Variants in EMCN observed in about 807,000 individuals in gnomAD.
EMCN encodes the protein endomucin, also known as MUC-14.
Under a neutral mutation model 38.4 loss-of-function variants are expected in EMCN, and 37 were observed. That is an observed-to-expected ratio of 0.96 (90% CI 0.74 to 1.27). The LOEUF (loss-of-function observed/expected upper bound fraction) is 1.27, where lower values mean the gene tolerates loss of function less well. Ranked by LOEUF, EMCN falls within the 50% of genes most tolerant of loss-of-function variation. The probability of loss-of-function intolerance (pLI) is 0.00; values close to 1 mark genes in which losing one functional copy is unlikely to be tolerated. For synonymous variants in EMCN, 95 were observed against 100.8 expected (o/e 0.94, Z 0.35); for missense variants, 318 against 302.8 (o/e 1.05, Z -0.37).
intron 1 of EMCN, among the ~76,000 whole-genome samples, chr4:100,509,693 G>T (rs1255743611): frequency 6.6e-6 from 1 of 152,126 alleles, no homozygotes; most frequent in Non-Finnish European, 1.5e-5. Context: ...TCCGTGTTTT[G>T]TGTGTGTGAT....
intron 5 of EMCN, among the ~76,000 whole-genome samples, chr4:100,435,629 A>G (rs556491969): frequency 6.1e-4 from 93 of 152,332 alleles, no homozygotes; most frequent in Middle Eastern, 3.4e-3. Context: ...TTCAAACTAT[A>G]TTACAAGGCT....
chr4:100,486,919 A>G, intron 1 of EMCN: 1 of 985,438 alleles, frequency 1.0e-6, no homozygotes, highest in Non-Finnish European at 1.2e-6. Flanking sequence ...ACAAATGGAT[A>G]ATTCTTCAAA....
At chr4:100,513,679 C>A (rs756702804) in intron 1 of EMCN, among the ~76,000 whole-genome samples, 31 of 152,082 alleles carry the variant, frequency 2.0e-4, no homozygotes, top group Middle Eastern at 6.3e-3. Flanking sequence ...TAACTGAAAT[C>A]AAAATAATCG....
intron 3 of EMCN, among the ~76,000 whole-genome samples, chr4:100,468,959 C>T (rs1395629566): frequency 6.6e-6 from 1 of 151,956 alleles, no homozygotes; most frequent in Non-Finnish European, 1.5e-5. Context: ...GTAGAGGCAT[C>T]ACACTTCCTA....
At chr4:100,492,178 C>A (rs1017346210) in intron 1 of EMCN, among the ~76,000 whole-genome samples, 2 of 151,880 alleles carry the variant, frequency 1.3e-5, no homozygotes, top group Admixed American at 6.6e-5. Context: ...TGAAACAATA[C>A]AATACACAAA....
Position 100,461,315 on chromosome 4 carries a change from CTT to C in EMCN, c.376+4106_376+4107del, listed in dbSNP as rs570211288. On this transcript the variant is annotated intron_variant, in intron 4 of 11. Transcript: ENST00000296420. ...AAATTGGCACTACCATCACCACTTGCTTTTTTTTACTGTTTTATTATTATTTA... is the reference window on the plus strand; with the variant it reads ...AAATTGGCACTACCATCACCACTTGCTTTTTTACTGTTTTATTATTATTTA... 2.1e-4 allele frequency among the ~76,000 whole-genome samples: 32 copies of C among 151,916 alleles called. No homozygotes were observed. In the South Asian group the frequency reaches 6.7e-3, roughly 32 times the overall value.
chr4:100,409,285 A>G (rs1275928351), intron 11 of EMCN, among the ~76,000 whole-genome samples: 1 of 152,046 alleles, frequency 6.6e-6, no homozygotes, highest in Non-Finnish European at 1.5e-5. Context: ...GTTTTATAAA[A>G]CCTCAAAAAC....
At chr4:100,471,360 T>G (rs1348235076) in intron 3 of EMCN, among the ~76,000 whole-genome samples, 1 of 151,770 alleles carries the variant, frequency 6.6e-6, no homozygotes, top group Admixed American at 6.6e-5. Context: ...ATGGGCAAAT[T>G]CCTAGGAAAT....
At chr4:100,454,821 C>T (rs1727964638) in intron 4 of EMCN, among the ~76,000 whole-genome samples, 1 of 152,088 alleles carries the variant, frequency 6.6e-6, no homozygotes. Context: ...GATAAAACTC[C>T]TTCCTTTGAA....
chr4:100,454,698 T>A (rs766655866), intron 4 of EMCN, among the ~76,000 whole-genome samples: 2 of 152,208 alleles, frequency 1.3e-5, no homozygotes, highest in Non-Finnish European at 2.9e-5. Context: ...GAATACCAGA[T>A]AACTGTCACC....
intron 1 of EMCN, among the ~76,000 whole-genome samples, chr4:100,501,944 G>A (rs1016214494): frequency 6.6e-6 from 1 of 151,752 alleles, no homozygotes; most frequent in Non-Finnish European, 1.5e-5. Flanking sequence ...CCCGAGGTTC[G>A]TCATCTAGTG....
chr4:100,506,497 T>A lies in EMCN; in HGVS notation c.64+11354A>T, dbSNP rs537239514. Among the ~76,000 whole-genome samples the A allele has an allele frequency of 1.4e-3, 208 of 152,172 alleles. 1 individual carries two copies. Among genetic ancestry groups the A allele is most frequent in the African/African-American group, 4.6e-3 (193 of 41,508 alleles). ...TATATGTTTGTAGAAAAAAGGGGCA[T>A]TTCTCAATTTAAAGGGGTGCTTATT... is the stretch of plus-strand genomic sequence containing the variant. On this transcript the variant is annotated intron_variant, in intron 1 of 11. Coordinates refer to ENST00000296420, the MANE Select transcript of EMCN (RefSeq NM_016242.4).
chr4:100,437,601 C>T (rs898415057), intron 5 of EMCN, among the ~76,000 whole-genome samples: 5 of 152,134 alleles, frequency 3.3e-5, no homozygotes, highest in African/African-American at 9.7e-5. Context: ...AGATAGGGTC[C>T]AATTTCATTC....
intron 5 of EMCN, among the ~76,000 whole-genome samples, chr4:100,436,174 G>GA (rs200200660): frequency 0.015 from 2,262 of 147,304 alleles, 53 homozygotes; most frequent in African/African-American, 0.047. Flanking sequence ...ACTTAAACAA[G>GA]AAAAAAAAAA....
chr4:100,452,530 C>T (rs141404294), intron 4 of EMCN, among the ~76,000 whole-genome samples: 2,061 of 152,122 alleles, frequency 0.014, 46 homozygotes, highest in African/African-American at 0.046. Context: ...ATTCTGCATT[C>T]TTGTCTCAGC....
chr4:100,483,906 T>C (rs1252538966), intron 1 of EMCN, among the ~76,000 whole-genome samples: 2 of 152,156 alleles, frequency 1.3e-5, no homozygotes, highest in East Asian at 3.9e-4. Context: ...CCTCTGTATG[T>C]CAAAATGATT....
At chr4:100,405,553 A>C (rs1726369868) in intron 11 of EMCN, among the ~76,000 whole-genome samples, 2 of 152,104 alleles carry the variant, frequency 1.3e-5, no homozygotes, top group South Asian at 2.1e-4. Flanking sequence ...TCAACCTTGC[A>C]TCTCAGGGAT....
intron 1 of EMCN, among the ~76,000 whole-genome samples, chr4:100,497,850 T>A (rs1578233211): frequency 6.6e-6 from 1 of 152,122 alleles, no homozygotes; most frequent in East Asian, 1.9e-4. Context: ...ACATAAAAAT[T>A]TAGTAAAATA....
At position 100,421,277 on chromosome 4, in the gene EMCN, C is replaced by T; in HGVS notation, c.664+5G>A. 1 of 1,611,204 alleles carries T rather than the reference C, an allele frequency of 6.2e-7. No homozygotes were observed. The highest frequency in any genetic ancestry group is 8.5e-7 in the Non-Finnish European group (1 of 1,177,798). Reference sequence around the variant, plus strand: ...AGGAAAACAAAACAAAACACTGTTACCTACCCGGATCTGCCTTCCAGCACA... The same window carrying T: ...AGGAAAACAAAACAAAACACTGTTATCTACCCGGATCTGCCTTCCAGCACA... On this transcript the variant is annotated splice_donor_5th_base_variant and intron_variant, in intron 8 of 11. Coordinates refer to ENST00000296420, the MANE Select transcript of EMCN (RefSeq NM_016242.4).
Sources: allele counts gnomAD v4.1 joint callset (sites outside exome capture counted in the v4.1 genomes callset), GRCh38; gene constraint gnomAD v4.1.1; transcripts MANE v1.5; gene names NCBI Gene and HGNC (gene_info 2026-07-23, HGNC 2026-07-21).